Variants in DIXDC1 observed in about 807,000 individuals in gnomAD.
DIXDC1 encodes the protein dixin.
DIXDC1 carries 64 observed loss-of-function variants against 103.1 expected under a neutral mutation model. The ratio of observed to expected loss-of-function variants is 0.62; its 90% CI spans 0.51 to 0.76. The LOEUF (loss-of-function observed/expected upper bound fraction) is 0.76, where lower values mean the gene tolerates loss of function less well. Ranked by LOEUF, DIXDC1 falls within the 30% of genes least tolerant of loss-of-function variation. The probability of loss-of-function intolerance (pLI) is 0.00; values close to 1 mark genes in which losing one functional copy is unlikely to be tolerated. For missense variants in DIXDC1, 759 were observed against 834.2 expected, an observed-to-expected ratio of 0.91 and a Z score of 1.11; for synonymous variants, 266 against 298.5, an observed-to-expected ratio of 0.89 and a Z score of 1.12.
intron 17 of DIXDC1, among the ~76,000 whole-genome samples, chr11:112,007,621 C>G (rs1273244212): frequency 6.6e-6 from 1 of 152,200 alleles, no homozygotes; most frequent in Non-Finnish European, 1.5e-5. Context: ...GACAGAAACT[C>G]TACAAGCCAG....
intron 1 of DIXDC1, among the ~76,000 whole-genome samples, chr11:111,950,440 T>TATATATATATA (rs1566474109): frequency 4.1e-4 from 3 of 7,234 alleles, no homozygotes; most frequent in Non-Finnish European, 7.5e-4. Flanking sequence ...ATATATATAT[T>TATATATATATA]TTTTTTTTTT....
At chr11:111,985,369 C>A in intron 8 of DIXDC1, 48 bp downstream of exon 8, 2 of 1,482,754 alleles carry the variant, frequency 1.3e-6, no homozygotes, top group South Asian at 1.2e-5. Context: ...ATGTATTTTA[C>A]TTGTATTTAG....
chr11:111,930,772 A>C (rs938770329), intron 2 of DIXDC1, among the ~76,000 whole-genome samples: 14 of 151,362 alleles, frequency 9.2e-5, no homozygotes, highest in Non-Finnish European at 2.1e-4. Context: ...GGCTGATGCC[A>C]GGATTGCTTG....
chr11:111,992,183 G>T (rs117622007), intron 10 of DIXDC1, among the ~76,000 whole-genome samples: 3 of 152,096 alleles, frequency 2.0e-5, no homozygotes, highest in Non-Finnish European at 4.4e-5. Context: ...AAAAAATCAG[G>T]CTTCAGTAAG....
chr11:111,946,451 T>C (rs1385096409), intron 1 of DIXDC1, among the ~76,000 whole-genome samples: 1 of 152,240 alleles, frequency 6.6e-6, no homozygotes, highest in Admixed American at 6.5e-5. Flanking sequence ...CTCGAACTCC[T>C]GACCTCAAGC....
At chr11:111,932,172 A>C (rs916984144) in intron 2 of DIXDC1, among the ~76,000 whole-genome samples, 3 of 151,372 alleles carry the variant, frequency 2.0e-5, no homozygotes, top group Non-Finnish European at 2.9e-5. Context: ...CTGGGACTAC[A>C]GGCGTAGGAC....
chr11:111,996,326 C>T, intron 17 of DIXDC1, 180 bp downstream of exon 17: 1 of 517,494 alleles, frequency 1.9e-6, no homozygotes, highest in Non-Finnish European at 3.3e-6. Context: ...TATGCCATCA[C>T]CACCCCCAGT....
chr11:111,994,523 A>G (rs1273768212), intron 14 of DIXDC1, among the ~76,000 whole-genome samples: 1 of 151,222 alleles, frequency 6.6e-6, no homozygotes, highest in Non-Finnish European at 1.5e-5. Context: ...CCATACATAT[A>G]TATGTATATG....
chr11:111,949,917 G>A (rs1334092467), intron 1 of DIXDC1, among the ~76,000 whole-genome samples: 1 of 151,932 alleles, frequency 6.6e-6, no homozygotes, highest in Non-Finnish European at 1.5e-5. Context: ...TGCATAAATA[G>A]CTTTTTTTTT....
upstream of DIXDC1, chr11:111,937,220 G>T: frequency 3.5e-6 from 4 of 1,153,288 alleles, no homozygotes; most frequent in Non-Finnish European, 4.3e-6. Flanking sequence ...GGAAAGCGGG[G>T]CTGGGGGCAG....
chr11:111,985,213 T>G lies in DIXDC1; in HGVS notation c.919-19T>G. 6.2e-7 allele frequency: 1 copy of G among 1,603,288 alleles called. No homozygotes were observed. The highest frequency in any genetic ancestry group is 1.1e-5 in the South Asian group (1 of 90,108). On this transcript the variant is annotated intron_variant, in intron 7 of 19. Transcript: ENST00000440460. ...TCTGAAGGAGAGTTAAGTTTCTTTC[T>G]GCCTTTGTGGTTATTCAGGCCTTAC...
intron 3 of DIXDC1, among the ~76,000 whole-genome samples, chr11:111,972,671 C>T (rs1293039887): frequency 1.3e-5 from 2 of 152,206 alleles, no homozygotes; most frequent in Non-Finnish European, 2.9e-5. Flanking sequence ...TCTGCCTATG[C>T]TGAACTTCTT....
intron 2 of DIXDC1, among the ~76,000 whole-genome samples, chr11:111,965,918 A>C (rs587655724): frequency 6.6e-6 from 1 of 152,328 alleles, no homozygotes; most frequent in South Asian, 2.1e-4. Flanking sequence ...CTTTAATTCC[A>C]AAGCCTGTTT....
intron 2 of DIXDC1, among the ~76,000 whole-genome samples, chr11:111,966,852 C>T (rs190982513): frequency 7.2e-5 from 11 of 152,382 alleles, no homozygotes; most frequent in Non-Finnish European, 1.6e-4. Flanking sequence ...TCCCACTCCA[C>T]TGAAACCGCC....
At position 112,017,079 on chromosome 11, in the gene DIXDC1, T is replaced by C. The variant is rs1861614357; in HGVS notation, c.1862+283T>C. On this transcript the variant is annotated intron_variant, in intron 18 of 19. Coordinates refer to ENST00000440460, the MANE Select transcript of DIXDC1 (RefSeq NM_001037954.4). The surrounding 1 kb of genome is among the most constrained non-coding windows in gnomAD (Gnocchi z 4.0). ...TGGCTCTGCATTTGGGAAAATCTTT[T>C]TTTTTTTTTTTAAGTGTTCAAAATA... Among the ~76,000 whole-genome samples, 1 of 152,042 alleles carries C rather than the reference T, an allele frequency of 6.6e-6. No homozygotes were observed. The highest frequency in any genetic ancestry group is 2.4e-5 in the African/African-American group (1 of 41,390).
chr11:111,940,328 T>G (rs1966377061), intron 1 of DIXDC1, among the ~76,000 whole-genome samples: 1 of 152,258 alleles, frequency 6.6e-6, no homozygotes. Flanking sequence ...GCATGGTTAA[T>G]TTGGATGGCA....
At chr11:111,988,855 C>T (rs1218754741) in intron 9 of DIXDC1, 150 bp from the exon 10 acceptor site, 1 of 622,622 alleles carries the variant, frequency 1.6e-6, no homozygotes, top group Non-Finnish European at 2.8e-6. Context: ...CTGTACTGCT[C>T]ACTGAACCAG....
rs930945890 is a variant in DIXDC1, at chr11:111,972,968, A to G, written c.317-1055A>G. Among the ~76,000 whole-genome samples the G allele has an allele frequency of 3.3e-5, 5 of 151,288 alleles. No homozygotes were observed. In the East Asian group the frequency reaches 9.8e-4, roughly 30 times the overall value. On this transcript the variant is annotated intron_variant, in intron 3 of 19. Coordinates refer to ENST00000440460, the MANE Select transcript of DIXDC1 (RefSeq NM_001037954.4). Reference sequence around the variant, plus strand: ...CAGCTACTCAGGAGGCTGAGGCAGGAGAATCGCTTGAACCCAGGAGGCAGA... The same window carrying G: ...CAGCTACTCAGGAGGCTGAGGCAGGGGAATCGCTTGAACCCAGGAGGCAGA...
chr11:111,990,456 C>T (rs1208315081), intron 10 of DIXDC1, among the ~76,000 whole-genome samples: 1 of 152,002 alleles, frequency 6.6e-6, no homozygotes, highest in Non-Finnish European at 1.5e-5. Flanking sequence ...ACGGTTTTAC[C>T]CAAATGGTAA....
Sources: gnomAD v4.1 joint callset for allele counts (sites outside exome capture counted in the v4.1 genomes callset) on GRCh38, gnomAD v4.1.1 for gene constraint, Gnocchi (gnomAD v3.1) non-coding constraint, MANE v1.5 for transcripts, NCBI Gene and HGNC (gene_info 2026-07-23, HGNC 2026-07-21) for gene names.